Variants in COX6A1 observed in about 807,000 individuals in gnomAD.
COX6A1 encodes the protein cytochrome c oxidase subunit 6A1, mitochondrial.
Under a neutral mutation model 11.3 loss-of-function variants are expected in COX6A1, and 10 were observed. The ratio of observed to expected loss-of-function variants is 0.88; its 90% confidence interval spans 0.54 to 1.50. The LOEUF (loss-of-function observed/expected upper bound fraction) is 1.50, where lower values mean the gene tolerates loss of function less well. COX6A1 is among the 40% of genes most tolerant of loss of function. The pLI, the probability that COX6A1 is intolerant of heterozygous loss-of-function variation, is 0.00. For synonymous variants in COX6A1, 81 were observed against 60.6 expected, an observed-to-expected ratio of 1.34 and a Z score of -1.57; for missense variants, 149 against 147.6, an observed-to-expected ratio of 1.01 and a Z score of -0.05.
At position 120,438,207 on chromosome 12, in the gene COX6A1, C is replaced by A. The variant is rs753410217; in HGVS notation, c.81C>A (p.Gly27=). The A allele has an allele frequency of 6.2e-6, 10 of 1,613,732 alleles. No individual in the cohort carries two copies. Among genetic ancestry groups the A allele is most frequent in the Non-Finnish European group, 8.5e-6 (10 of 1,179,948 alleles). The stretch of plus-strand genomic sequence containing the variant: ...AGCTGGGGCGGCCTATGTCGAGTGG[C>A]GCCCATGGCGAAGAGGGCTCAGGTA... ...RPQLGRPMSS[G]AHGEEGSARM... Residue 27 remains glycine, a synonymous_variant, in exon 1 of 3, where the codon GGC becomes GGA. Coordinates refer to ENST00000229379, the MANE Select transcript of COX6A1 (RefSeq NM_004373.4).
intron 2 of COX6A1, chr12:120,440,232 T>A (rs2137032008): frequency 2.3e-6 from 1 of 438,340 alleles, no homozygotes; most frequent in Non-Finnish European, 4.2e-6. Flanking sequence ...CATATTTGTT[T>A]CTGGAATTAA....
At chr12:120,439,565 G>T (rs1877672203) in intron 2 of COX6A1, among the ~76,000 whole-genome samples, 1 of 151,966 alleles carries the variant, frequency 6.6e-6, no homozygotes, top group Admixed American at 6.6e-5. Flanking sequence ...CTTGATCTTA[G>T]CCAAAAGGCC....
Position 120,438,413 on chromosome 12 carries a change from G to A in COX6A1, c.138G>A (p.Ala46=), listed in dbSNP as rs1159108369. ...GGAAGACTCTCACCTTCTTCGTCGC[G>A]CTCCCCGGGGTGGCAGTCAGCATGC... ...RMWKTLTFFV[A]LPGVAVSMLN... is the part of the protein sequence containing the mutation. The change falls in exon 2 of 3, where the codon GCG becomes GCA. Residue 46 remains alanine, a synonymous_variant. Coordinates refer to ENST00000229379, the MANE Select transcript of COX6A1 (RefSeq NM_004373.4). 5 of 1,614,068 alleles carry A rather than the reference G, an allele frequency of 3.1e-6. No homozygotes were observed. Among genetic ancestry groups the A allele is most frequent in the Non-Finnish European group, 4.2e-6 (5 of 1,180,048 alleles).
In COX6A1 at chr12:120,440,552, A is replaced by G. The variant is rs1313719242; in HGVS notation, c.*15A>G. The G allele has an allele frequency of 1.9e-6, 3 of 1,576,292 alleles. No individual in the cohort carries two copies. Among genetic ancestry groups the G allele is most frequent in the Non-Finnish European group, 2.6e-6 (3 of 1,145,922 alleles). ...AAGATGAATAAAGAGAATCTGGACC[A>G]CTACCCGGGCACCAGGGACCACAGC... On this transcript the variant is annotated 3_prime_UTR_variant, in exon 3 of 3. Coordinates refer to ENST00000229379, the MANE Select transcript of COX6A1 (RefSeq NM_004373.4).
chr12:120,438,788 C>CTT (rs376239130), intron 2 of COX6A1: 9,877 of 119,712 alleles, frequency 0.083, 1,319 homozygotes, highest in East Asian at 0.23. Context: ...TGAGACAGTT[C>CTT]TTTTTTTTTT....
chr12:120,438,518 C>T lies in COX6A1; in HGVS notation c.243C>T (p.Thr81=). 6.2e-7 allele frequency: 1 copy of T among 1,614,212 alleles called. No individual in the cohort carries two copies. The highest frequency in any genetic ancestry group is 8.5e-7 in the Non-Finnish European group (1 of 1,180,038). Residue 81 remains threonine (T), a synonymous_variant, in exon 2 of 3, where the codon ACC becomes ACT. Coordinates refer to ENST00000229379, the MANE Select transcript of COX6A1 (RefSeq NM_004373.4). Reference sequence around the variant, plus strand: ...CCTACCCCCATCTCCGCATCAGGACCAAGGTACGCCCTTGTACATCTCTTC... The same window carrying T: ...CCTACCCCCATCTCCGCATCAGGACTAAGGTACGCCCTTGTACATCTCTTC... ...FIAYPHLRIR[T]KPFPWGDGNH... is the part of the protein sequence containing the mutation.
At position 120,440,666 on chromosome 12, in the gene COX6A1, G is replaced by A; in HGVS notation, c.*129G>A. On this transcript the variant is annotated 3_prime_UTR_variant, in exon 3 of 3. Coordinates refer to ENST00000229379, the MANE Select transcript of COX6A1 (RefSeq NM_004373.4). Reference sequence around the variant, plus strand: ...TCTTTACTTGTATCAAATGATGACTGGTATACTGGTCTCCCATCCCTTTGC... The same window carrying A: ...TCTTTACTTGTATCAAATGATGACTAGTATACTGGTCTCCCATCCCTTTGC... 1.6e-6 allele frequency: 1 copy of A among 609,174 alleles called. No homozygotes were observed. The allele number at this position is 609,174 out of a possible 1,614,324, so 37.7% of individuals were successfully genotyped here.
Sources: allele counts gnomAD v4.1 joint callset (sites outside exome capture counted in the v4.1 genomes callset), GRCh38; gene constraint gnomAD v4.1.1; transcripts MANE v1.5; gene names NCBI Gene and HGNC (gene_info 2026-07-23, HGNC 2026-07-21).